Variants in RPS6KC1 observed in about 807,000 individuals in gnomAD.
The protein encoded by RPS6KC1 is inactive ribosomal protein S6 kinase delta-1.
Under a neutral mutation model 103.8 loss-of-function variants are expected in RPS6KC1, and 54 were observed. The observed-to-expected ratio is 0.52, with a 90% CI of 0.42 to 0.65. The LOEUF (loss-of-function observed/expected upper bound fraction) is 0.65. RPS6KC1 is among the 30% of genes least tolerant of loss of function. The pLI is 0.00. For synonymous variants in RPS6KC1, 439 were observed against 438.7 expected (o/e 1.00, Z -0.01); for missense variants, 1,151 against 1,253.8 (o/e 0.92, Z 1.24).
At chr1:213,167,369 C>T (rs1303239059) in intron 6 of RPS6KC1, among the ~76,000 whole-genome samples, 1 of 151,234 alleles carries the variant, frequency 6.6e-6, no homozygotes, top group Non-Finnish European at 1.5e-5. Flanking sequence ...TAATTCAGTT[C>T]ACTTCAGTTC....
the RPS6KC1 span, among the ~76,000 whole-genome samples, chr1:213,850,689 A>G: frequency 6.6e-6 from 1 of 152,062 alleles, no homozygotes; most frequent in Non-Finnish European, 1.5e-5. Context: ...AGGGGACACA[A>G]TGACATTGAT....
At chr1:213,628,091 C>A in the RPS6KC1 span, among the ~76,000 whole-genome samples, 1 of 152,170 alleles carries the variant, frequency 6.6e-6, no homozygotes, top group African/African-American at 2.4e-5. Context: ...ATTATTGCCT[C>A]CATTTCAGAG....
At chr1:213,536,418 TA>T in the RPS6KC1 span, among the ~76,000 whole-genome samples, 1 of 152,318 alleles carries the variant, frequency 6.6e-6, no homozygotes, top group African/African-American at 2.4e-5. Context: ...AGCAAATAAG[TA>T]AATGAGCAAA....
chr1:213,487,314 T>G, the RPS6KC1 span, among the ~76,000 whole-genome samples: 1 of 152,162 alleles, frequency 6.6e-6, no homozygotes, highest in Non-Finnish European at 1.5e-5. Flanking sequence ...GAAAATTGCT[T>G]GAGTCCAGGA....
intron 3 of RPS6KC1, among the ~76,000 whole-genome samples, chr1:213,101,539 G>A (rs2082019533): frequency 6.6e-6 from 1 of 152,132 alleles, no homozygotes; most frequent in Non-Finnish European, 1.5e-5. Flanking sequence ...TTAGCTTAAT[G>A]GAGAAGATTA....
chr1:213,302,917 A>G, the RPS6KC1 span, among the ~76,000 whole-genome samples: 2 of 152,262 alleles, frequency 1.3e-5, no homozygotes, highest in East Asian at 3.8e-4. Flanking sequence ...AACATTGCCC[A>G]TGTACCAGAA....
chr1:213,319,539 T>C, the RPS6KC1 span, among the ~76,000 whole-genome samples: 1 of 152,204 alleles, frequency 6.6e-6, no homozygotes, highest in Admixed American at 6.5e-5. Flanking sequence ...ACCTTTCCCT[T>C]ATTATATGCT....
intron 5 of RPS6KC1, among the ~76,000 whole-genome samples, chr1:213,119,197 G>A (rs12144472): frequency 6.6e-6 from 1 of 151,724 alleles, no homozygotes; most frequent in African/African-American, 2.4e-5. Flanking sequence ...TGTAATCCTA[G>A]CACTTTTGGG....
intron 6 of RPS6KC1, among the ~76,000 whole-genome samples, chr1:213,140,253 T>G (rs561767734): frequency 6.6e-6 from 1 of 151,236 alleles, no homozygotes; most frequent in Non-Finnish European, 1.5e-5. Context: ...GCAGAGACTG[T>G]GGGGTTTTCT....
chr1:213,733,544 G>GTTTTTTTTTTT, the RPS6KC1 span, among the ~76,000 whole-genome samples: 3 of 100,222 alleles, frequency 3.0e-5, no homozygotes, highest in African/African-American at 8.5e-5. Flanking sequence ...GCTATTTTTA[G>GTTTTTTTTTTT]TTTGTTTTTT....
chr1:213,062,287 C>G (rs1211639618), intron 1 of RPS6KC1, among the ~76,000 whole-genome samples: 1 of 152,028 alleles, frequency 6.6e-6, no homozygotes, highest in Non-Finnish European at 1.5e-5. Context: ...CTTTCAGGCT[C>G]TGTATATAAA....
chr1:213,826,033 T>C, the RPS6KC1 span, among the ~76,000 whole-genome samples: 1 of 152,204 alleles, frequency 6.6e-6, no homozygotes, highest in South Asian at 2.1e-4. Flanking sequence ...CAGATGATCG[T>C]CTTATTGGTC....
the RPS6KC1 span, among the ~76,000 whole-genome samples, chr1:213,798,362 A>G: frequency 6.6e-6 from 1 of 152,202 alleles, no homozygotes; most frequent in Non-Finnish European, 1.5e-5. Context: ...CTTCAGCCCA[A>G]GCAGGCCAAG....
the RPS6KC1 span, among the ~76,000 whole-genome samples, chr1:213,598,817 A>G: frequency 6.6e-6 from 1 of 152,122 alleles, no homozygotes; most frequent in East Asian, 1.9e-4. Context: ...ACTACTCTGG[A>G]GACTGAGGCA....
chr1:213,588,450 C>G, the RPS6KC1 span, among the ~76,000 whole-genome samples: 2 of 152,038 alleles, frequency 1.3e-5, no homozygotes, highest in South Asian at 2.1e-4. Flanking sequence ...AGGTGCCCAC[C>G]ACCACACCCA....
In RPS6KC1 at chr1:213,174,500, T is replaced by C. The variant is rs1477393484; in HGVS notation, c.952-1900T>C. Among the ~76,000 whole-genome samples, 3 of 151,976 alleles carry C rather than the reference T, an allele frequency of 2.0e-5. No individual in the cohort carries two copies. In the East Asian group the frequency reaches 5.8e-4, roughly 29 times the overall value. On this transcript the variant is annotated intron_variant, in intron 7 of 14. Coordinates refer to ENST00000366960, the MANE Select transcript of RPS6KC1 (RefSeq NM_012424.6). ...GCCTCGCCAACATGATGAAACTCCGTCTCTACTAAGAATACAGAAATTAGC... is the reference window on the plus strand; with the variant it reads ...GCCTCGCCAACATGATGAAACTCCGCCTCTACTAAGAATACAGAAATTAGC...
At chr1:213,546,368 C>T in the RPS6KC1 span, 1 of 152,148 alleles carries the variant, frequency 6.6e-6, no homozygotes, top group African/African-American at 2.4e-5. Context: ...ATGGAGACAT[C>T]ACTGATTCAC....
At chr1:213,751,125 A>G in the RPS6KC1 span, among the ~76,000 whole-genome samples, 1 of 151,966 alleles carries the variant, frequency 6.6e-6, no homozygotes, top group Admixed American at 6.6e-5. Flanking sequence ...ACCACCATGA[A>G]TTTTCTACAC....
chr1:213,177,850 A>G (rs1257403086), intron 8 of RPS6KC1, among the ~76,000 whole-genome samples: 1 of 152,112 alleles, frequency 6.6e-6, no homozygotes, highest in Non-Finnish European at 1.5e-5. Flanking sequence ...CTATGCTATA[A>G]GTGTGAGTAA....
Sources: gnomAD v4.1 joint callset for allele counts (sites outside exome capture counted in the v4.1 genomes callset) on GRCh38, gnomAD v4.1.1 for gene constraint, MANE v1.5 for transcripts, NCBI Gene and HGNC (gene_info 2026-07-23, HGNC 2026-07-21) for gene names.